The following YWHAE variants were observed in gnomAD, a reference collection of about 807,000 sequenced individuals.
The protein encoded by YWHAE is tyrosine 3-monooxygenase/tryptophan 5-monooxygenase activation protein epsilon.
A neutral mutation model predicts 30.1 loss-of-function variants in YWHAE; 4 were observed. The ratio of observed to expected loss-of-function variants is 0.13; its 90% CI spans 0.07 to 0.30. The LOEUF (loss-of-function observed/expected upper bound fraction) is 0.30. Among genes scored for constraint, YWHAE ranks in the 10% least tolerant of loss-of-function variants. The probability of loss-of-function intolerance (pLI) is 1.00; values close to 1 mark genes in which losing one functional copy is unlikely to be tolerated. For synonymous variants in YWHAE, 118 were observed against 111.8 expected (o/e 1.06, Z -0.35); for missense variants, 121 against 315.9 (o/e 0.38, Z 4.68).
Position 1,354,370 on chromosome 17 carries a change from G to A in YWHAE, c.579-23C>T, listed in dbSNP as rs377190190. On this transcript the variant is annotated intron_variant, in intron 4 of 5. Coordinates refer to ENST00000264335, the MANE Select transcript of YWHAE (RefSeq NM_006761.5). ...AACCTAAAGGTATTTCAATAGAAGT[G>A]TTATAAAAATTAAGTCCAAAATCAG... 5.0e-6 allele frequency: 8 copies of A among 1,602,212 alleles called. No homozygotes were observed. The African/African-American group carries it at 8.1e-5, about 16-fold the overall frequency.
chr17:1,382,225 TTTTTAGTAGAGATGGGG>T (rs1859349406), intron 1 of YWHAE, among the ~76,000 whole-genome samples: 1 of 150,726 alleles, frequency 6.6e-6, no homozygotes. Context: ...ATTTTTTGTA[TTTTTAGTAGAGATGGGG>T]TTTCACCGTG....
At chr17:1,354,964 GTTT>G (rs56351171) in intron 4 of YWHAE, among the ~76,000 whole-genome samples, 21 of 74,730 alleles carry the variant, frequency 2.8e-4, no homozygotes, top group East Asian at 2.4e-3. Context: ...GCCCAGCCTA[GTTT>G]TTTTTTTTTT....
At chr17:1,383,578 G>GC (rs1398759493) in intron 1 of YWHAE, among the ~76,000 whole-genome samples, 1 of 13,544 alleles carries the variant, frequency 7.4e-5, no homozygotes, top group African/African-American at 3.4e-3. Context: ...TAGTAGAGAT[G>GC]GGTTTCGCCA....
chr17:1,392,552 T>C (rs1051610199), intron 1 of YWHAE, among the ~76,000 whole-genome samples: 3 of 151,938 alleles, frequency 2.0e-5, no homozygotes, highest in African/African-American at 4.8e-5. Context: ...CTCCTAGAAG[T>C]TGTATGTCTA....
At chr17:1,383,033 A>AG (rs1013459676) in intron 1 of YWHAE, among the ~76,000 whole-genome samples, 13 of 104,200 alleles carry the variant, frequency 1.2e-4, no homozygotes, top group Non-Finnish European at 2.1e-4. Context: ...TCAAGAAAGA[A>AG]AAAAAAAAAA....
At chr17:1,374,798 G>A (rs1356010126) in intron 1 of YWHAE, among the ~76,000 whole-genome samples, 2 of 152,176 alleles carry the variant, frequency 1.3e-5, no homozygotes, top group South Asian at 2.1e-4. Flanking sequence ...TTGGTATGTA[G>A]GAGTTGTTCA....
chr17:1,368,479 G>A (rs1018155922), intron 1 of YWHAE, among the ~76,000 whole-genome samples: 5 of 151,434 alleles, frequency 3.3e-5, no homozygotes, highest in Admixed American at 1.3e-4. Context: ...CAGGGGAATC[G>A]CTTGAACCCC....
chr17:1,375,904 T>C (rs761789366), intron 1 of YWHAE, among the ~76,000 whole-genome samples: 36 of 152,210 alleles, frequency 2.4e-4, no homozygotes, highest in African/African-American at 8.0e-4. Context: ...TTCAACTATG[T>C]TGTTCATTCA....
chr17:1,381,127 G>A (rs1381040452), intron 1 of YWHAE, among the ~76,000 whole-genome samples: 1 of 152,100 alleles, frequency 6.6e-6, no homozygotes, highest in Non-Finnish European at 1.5e-5. Context: ...GCTCACGTCT[G>A]TAATCCCAGA....
chr17:1,363,253 CTT>C (rs1219028352), intron 2 of YWHAE, among the ~76,000 whole-genome samples: 1 of 152,022 alleles, frequency 6.6e-6, no homozygotes, highest in African/African-American at 2.4e-5. Context: ...CATCTGGACT[CTT>C]TATTTTTTAC....
At position 1,400,212 on chromosome 17, in the gene YWHAE, C is replaced by G. The variant is rs2150885445; in HGVS notation, c.-102G>C. 1.4e-6 allele frequency: 2 copies of G among 1,388,710 alleles called. No individual in the cohort carries two copies. The highest frequency in any genetic ancestry group is 2.0e-6 in the Non-Finnish European group (2 of 986,440). The allele number at this position is 1,388,710 out of a possible 1,614,324, so 86.0% of individuals were successfully genotyped here. A position where few individuals can be genotyped will look rare whatever the true frequency, so the allele number is the denominator to read the frequency against. ...CGCGTCCGGGCAGCAAAAATGGCGG[C>G]GCCTCAATCCGGGACTTCCGCCTGC... On this transcript the variant is annotated 5_prime_UTR_variant, in exon 1 of 6. Transcript: ENST00000264335.
At chr17:1,348,097 CAAT>C (rs1053231306) in intron 5 of YWHAE, 17 of 631,678 alleles carry the variant, frequency 2.7e-5, no homozygotes, top group South Asian at 7.1e-5. Context: ...CAAAGGAAAA[CAAT>C]GATACAGGAG....
chr17:1,349,278 G>A lies in YWHAE; in HGVS notation c.716-3779C>T, dbSNP rs112378639. On this transcript the variant is annotated intron_variant, in intron 5 of 5. Transcript: ENST00000264335. Reference sequence around the variant, plus strand: ...AATCGCTTGAACCCGGGAGGTGGAAGCTGCAGTGAGCAGAGATTGCGCCAC... The same window carrying A: ...AATCGCTTGAACCCGGGAGGTGGAAACTGCAGTGAGCAGAGATTGCGCCAC... Among the ~76,000 whole-genome samples, 1,014 of 152,244 alleles carry A rather than the reference G, an allele frequency of 6.7e-3. 15 individuals are homozygous for A. The highest frequency in any genetic ancestry group is 0.016 in the African/African-American group (674 of 41,546).
At position 1,384,203 on chromosome 17, in the gene YWHAE, CA is replaced by C. The variant is rs1398159607; in HGVS notation, c.64+15843del. ...TGGGAGAAAGAGCAAGACCCTGTCT[CA>C]AAAAAATAAAAATAAAAAATAAATT... On this transcript the variant is annotated intron_variant, in intron 1 of 5. Transcript: ENST00000264335. Among the ~76,000 whole-genome samples the C allele has an allele frequency of 4.6e-5, 7 of 151,940 alleles. No individual in the cohort carries two copies. In the East Asian group the frequency reaches 1.4e-3, roughly 29 times the overall value.
intron 1 of YWHAE, among the ~76,000 whole-genome samples, chr17:1,392,541 C>G (rs958729914): frequency 6.6e-6 from 1 of 152,044 alleles, no homozygotes; most frequent in Non-Finnish European, 1.5e-5. Flanking sequence ...AACCTTTGTC[C>G]CTCCTAGAAG....
chr17:1,362,987 T>G (rs2072886555), intron 2 of YWHAE, among the ~76,000 whole-genome samples: 1 of 151,812 alleles, frequency 6.6e-6, no homozygotes, highest in South Asian at 2.1e-4. Context: ...CATCAATAGA[T>G]CTCTACACCC....
chr17:1,373,279 CAATTA>C (rs1212215143), intron 1 of YWHAE, among the ~76,000 whole-genome samples: 2 of 151,936 alleles, frequency 1.3e-5, no homozygotes, highest in Non-Finnish European at 2.9e-5. Flanking sequence ...ACACATCTAT[CAATTA>C]ATTTCCCTCA....
In YWHAE at chr17:1,364,855, T is replaced by G. The variant is rs776948465; in HGVS notation, c.264+4A>C. On this transcript the variant is annotated splice_donor_region_variant and intron_variant, in intron 2 of 5. Transcript: ENST00000264335. ...AAGGGGGGATGATGGCACAACAATC[T>G]CACCATTTGCCGATATTCCCGAATC... 4.3e-6 allele frequency: 7 copies of G among 1,613,966 alleles called. No individual in the cohort carries two copies. The Admixed American group carries it at 1.0e-4, about 23-fold the overall frequency.
intron 1 of YWHAE, among the ~76,000 whole-genome samples, chr17:1,370,450 T>G (rs1008942744): frequency 2.0e-5 from 3 of 151,592 alleles, no homozygotes; most frequent in African/African-American, 7.3e-5. Context: ...TTTTGTTTTT[T>G]GTTTTTGAGA....
Sources: gnomAD v4.1 joint callset for allele counts (sites outside exome capture counted in the v4.1 genomes callset) on GRCh38, gnomAD v4.1.1 for gene constraint, MANE v1.5 for transcripts, NCBI Gene and HGNC (gene_info 2026-07-23, HGNC 2026-07-21) for gene names.